The following CDH8 variants were observed in gnomAD, a reference collection of about 807,000 sequenced individuals.
The protein encoded by CDH8 is cadherin-8.
CDH8 carries 17 observed loss-of-function variants against 68.1 expected under a neutral mutation model. The observed-to-expected ratio is 0.25, with a 90% CI of 0.17 to 0.37. CDH8 has a LOEUF of 0.37. Ranked by LOEUF, CDH8 falls within the 10% of genes least tolerant of loss-of-function variation. CDH8 has a pLI of 1.00. For synonymous variants in CDH8, 372 were observed against 365.1 expected (o/e 1.02, Z -0.21); for missense variants, 763 against 999.3 (o/e 0.76, Z 3.19).
At chr16:61,658,580 C>T (rs1340478468) in intron 10 of CDH8, among the ~76,000 whole-genome samples, 2 of 151,940 alleles carry the variant, frequency 1.3e-5, no homozygotes, top group Non-Finnish European at 2.9e-5. Context: ...GGTCTTTATT[C>T]TGTTTCAATA....
intron 3 of CDH8, among the ~76,000 whole-genome samples, chr16:61,887,717 T>G (rs1238887179): frequency 6.6e-6 from 1 of 152,148 alleles, no homozygotes; most frequent in Non-Finnish European, 1.5e-5. Context: ...ATTCAACATA[T>G]GAATTTGTGG....
At chr16:61,899,719 C>T (rs1340770451) in intron 3 of CDH8, among the ~76,000 whole-genome samples, 1 of 152,102 alleles carries the variant, frequency 6.6e-6, no homozygotes, top group Non-Finnish European at 1.5e-5. Context: ...TATTCTCTTT[C>T]TCAGAAATGC....
intron 9 of CDH8, among the ~76,000 whole-genome samples, chr16:61,719,634 C>T (rs978430137): frequency 1.3e-5 from 2 of 150,980 alleles, no homozygotes; most frequent in African/African-American, 4.8e-5. Context: ...TTAGAAGAAT[C>T]AACACCCTTT....
chr16:61,952,607 G>T (rs1964915865), intron 2 of CDH8, among the ~76,000 whole-genome samples: 1 of 152,104 alleles, frequency 6.6e-6, no homozygotes, highest in East Asian at 1.9e-4. Flanking sequence ...CTATGCAAAA[G>T]TCAAAAATTA....
chr16:61,732,504 G>A (rs1393746778), intron 8 of CDH8, among the ~76,000 whole-genome samples: 2 of 151,704 alleles, frequency 1.3e-5, no homozygotes, highest in African/African-American at 2.4e-5. Flanking sequence ...TGTCAGCCAG[G>A]AATCCTATAT....
chr16:61,906,759 G>T (rs188229764), intron 2 of CDH8, among the ~76,000 whole-genome samples: 8 of 152,264 alleles, frequency 5.3e-5, no homozygotes, highest in Admixed American at 3.3e-4. Context: ...TCAAAACAAT[G>T]ATTGTAAAAA....
chr16:61,673,050 C>T (rs1963829226), intron 10 of CDH8, among the ~76,000 whole-genome samples: 1 of 152,058 alleles, frequency 6.6e-6, no homozygotes, highest in African/African-American at 2.4e-5. Context: ...TGAAACTCTC[C>T]AGAGATAATG....
rs541152223 is a variant in CDH8 at position 61,743,247 on chromosome 16, A to G, written c.1415-16032T>C. 4 of 152,258 alleles carry G rather than the reference A, an allele frequency of 2.6e-5. No individual in the cohort carries two copies. In the East Asian group the frequency reaches 7.7e-4, roughly 29 times the overall value. 9.4% of individuals were successfully genotyped at this position (152,258 alleles called of 1,614,324 possible). The stretch of plus-strand genomic sequence containing the variant: ...CGTTCTCCTACAAATGAAGCTTGAG[A>G]CCGTGTCTGAAGAATCTATCACGGG... On this transcript the variant is annotated intron_variant, in intron 8 of 11. Coordinates refer to ENST00000577390, the MANE Select transcript of CDH8 (RefSeq NM_001796.5).
At chr16:61,982,626 G>A (rs1000323010) in intron 2 of CDH8, among the ~76,000 whole-genome samples, 71 of 152,248 alleles carry the variant, frequency 4.7e-4, no homozygotes, top group African/African-American at 1.7e-3. Flanking sequence ...GTGTTAACTC[G>A]ATAAGTTAAT....
chr16:61,788,197 C>T (rs1054530107), intron 8 of CDH8, among the ~76,000 whole-genome samples: 3 of 151,898 alleles, frequency 2.0e-5, no homozygotes, highest in Admixed American at 2.0e-4. Context: ...CATCACAAAA[C>T]CAGAAAAAAC....
chr16:61,911,457 G>A (rs1275692699), intron 2 of CDH8, among the ~76,000 whole-genome samples: 3 of 152,006 alleles, frequency 2.0e-5, no homozygotes, highest in Non-Finnish European at 4.4e-5. Context: ...ATAGATCTGG[G>A]AAAAAAACTA....
intron 3 of CDH8, among the ~76,000 whole-genome samples, chr16:61,864,845 G>A (rs1012897985): frequency 2.0e-5 from 3 of 152,286 alleles, no homozygotes; most frequent in Admixed American, 6.5e-5. Context: ...AACTGCAAGA[G>A]TAATGTCAAG....
chr16:61,662,577 C>A (rs1041201707), intron 10 of CDH8, among the ~76,000 whole-genome samples: 1 of 151,264 alleles, frequency 6.6e-6, no homozygotes, highest in African/African-American at 2.4e-5. Context: ...AAGAAATGGG[C>A]CGATCAGTAT....
At chr16:61,722,880 G>C (rs1000127511) in intron 9 of CDH8, among the ~76,000 whole-genome samples, 24 of 150,534 alleles carry the variant, frequency 1.6e-4, no homozygotes, top group Admixed American at 1.3e-4. Flanking sequence ...AAATATTTTT[G>C]TTTCTCTTTT....
intron 7 of CDH8, among the ~76,000 whole-genome samples, chr16:61,801,106 G>GA (rs914921865): frequency 3.1e-4 from 45 of 146,162 alleles, no homozygotes; most frequent in Middle Eastern, 3.6e-3. Context: ...TCACCAATCA[G>GA]AAAAAAAAAA....
At chr16:61,861,560 T>A (rs1050473683) in intron 3 of CDH8, among the ~76,000 whole-genome samples, 2 of 152,230 alleles carry the variant, frequency 1.3e-5, no homozygotes, top group East Asian at 3.8e-4. Context: ...GCTTTTCATA[T>A]GCAAAGACAA....
intron 10 of CDH8, among the ~76,000 whole-genome samples, chr16:61,701,705 G>A (rs565194344): frequency 2.6e-5 from 4 of 152,142 alleles, no homozygotes; most frequent in Non-Finnish European, 4.4e-5. Flanking sequence ...TATAGAATTA[G>A]TTACTTAACT....
intron 3 of CDH8, among the ~76,000 whole-genome samples, chr16:61,890,584 G>A (rs1328620702): frequency 2.0e-5 from 3 of 152,136 alleles, no homozygotes; most frequent in Admixed American, 6.6e-5. Flanking sequence ...TACCTATGGC[G>A]GTGGGGTAAG....
chr16:61,982,552 T>G (rs1965555293), intron 2 of CDH8, among the ~76,000 whole-genome samples: 1 of 152,170 alleles, frequency 6.6e-6, no homozygotes, highest in Non-Finnish European at 1.5e-5. Context: ...GAGTTTCAGT[T>G]TCCTTACCAG....
Sources: gnomAD v4.1 joint callset for allele counts (sites outside exome capture counted in the v4.1 genomes callset) on GRCh38, gnomAD v4.1.1 for gene constraint, MANE v1.5 for transcripts, NCBI Gene and HGNC (gene_info 2026-07-23, HGNC 2026-07-21) for gene names.